The following TECTA variants were observed in gnomAD, a reference collection of about 807,000 sequenced individuals.
TECTA encodes tectorin alpha.
TECTA carries 128 observed loss-of-function variants against 216.8 expected under a neutral mutation model. The observed-to-expected ratio is 0.59, with a 90% CI of 0.51 to 0.68. The LOEUF (loss-of-function observed/expected upper bound fraction) is 0.68, where lower values mean the gene tolerates loss of function less well. Ranked by LOEUF, TECTA falls within the 30% of genes least tolerant of loss-of-function variation. The probability of loss-of-function intolerance (pLI) is 0.00; values close to 1 mark genes in which losing one functional copy is unlikely to be tolerated. For missense variants in TECTA, 2,551 were observed against 2,786.2 expected (o/e 0.92, Z 1.90); for synonymous variants, 1,089 against 1,117.1 (o/e 0.97, Z 0.50).
chr11:121,152,166 C>A (rs1385553252), intron 12 of TECTA, among the ~76,000 whole-genome samples: 2 of 152,220 alleles, frequency 1.3e-5, no homozygotes, highest in African/African-American at 4.8e-5. Context: ...CATCTAGATG[C>A]ATTTGAAAAA....
intron 20 of TECTA, among the ~76,000 whole-genome samples, chr11:121,185,281 T>C (rs535905642): frequency 1.3e-5 from 2 of 152,338 alleles, no homozygotes; most frequent in East Asian, 1.9e-4. Flanking sequence ...AGATGTTCAA[T>C]GCTTAATGAA....
intron 11 of TECTA, among the ~76,000 whole-genome samples, chr11:121,142,266 A>T (rs1305421686): frequency 6.6e-6 from 1 of 152,144 alleles, no homozygotes; most frequent in East Asian, 1.9e-4. Context: ...ATACCTTCTC[A>T]TCGTCTTCTG....
At position 121,137,725 on chromosome 11, in the gene TECTA, C is replaced by T; in HGVS notation, c.3246C>T (p.Tyr1082=). ...CETIPCKDDE[Y]CMEEGGLYYC... is the part of the protein sequence containing the mutation. Reference sequence around the variant, plus strand: ...CCATTCCCTGCAAGGATGATGAGTACTGCATGGAGGAAGGTGGCCTGTACT... The same window carrying T: ...CCATTCCCTGCAAGGATGATGAGTATTGCATGGAGGAAGGTGGCCTGTACT... The change falls in exon 11 of 24, where the codon TAC becomes TAT. Residue 1082 remains tyrosine, a synonymous_variant. Transcript: ENST00000392793. The T allele has an allele frequency of 6.2e-7, 1 of 1,614,152 alleles. No homozygotes were observed. The highest frequency in any genetic ancestry group is 8.5e-7 in the Non-Finnish European group (1 of 1,180,036).
At chr11:121,152,347 C>A (rs1383875069) in intron 12 of TECTA, among the ~76,000 whole-genome samples, 1 of 152,218 alleles carries the variant, frequency 6.6e-6, no homozygotes, top group East Asian at 1.9e-4. Context: ...CTTAGAAAAA[C>A]GTTCTGTAGA....
chr11:121,183,154 T>A (rs1176659756), intron 20 of TECTA, among the ~76,000 whole-genome samples: 2 of 152,130 alleles, frequency 1.3e-5, no homozygotes, highest in Middle Eastern at 3.4e-3. Flanking sequence ...GTCCAGCCAG[T>A]GTTGTGAACC....
At chr11:121,167,978 A>G (rs1303940424) in intron 18 of TECTA, 76 bp from the exon 19 acceptor site, 2 of 1,548,756 alleles carry the variant, frequency 1.3e-6, no homozygotes, top group African/African-American at 2.7e-5. Context: ...CTCCACTTTC[A>G]GGGATATGGA....
At chr11:121,120,670 AT>A (rs1946548973) in intron 7 of TECTA, among the ~76,000 whole-genome samples, 1 of 152,242 alleles carries the variant, frequency 6.6e-6, no homozygotes. Context: ...CTGTTCTCAA[AT>A]AACAAAATAA....
In TECTA at chr11:121,113,761, G is replaced by C; in HGVS notation, c.790+43G>C. On this transcript the variant is annotated intron_variant, in intron 6 of 23. Transcript: ENST00000392793. This position sits in a 1 kb window ranked among gnomAD's most constrained non-coding sequence, Gnocchi z 4.2. ...TCTGTGGCAAGGCAGGGTTTGTTTA[G>C]TGTAGATTGACAGGCAAGCTTTTAA... 1.2e-6 allele frequency: 2 copies of C among 1,610,642 alleles called. No individual in the cohort carries two copies. The highest frequency in any genetic ancestry group is 1.7e-6 in the Non-Finnish European group (2 of 1,179,338).
At chr11:121,153,937 T>TAA (rs1245659255) in intron 13 of TECTA, among the ~76,000 whole-genome samples, 1 of 152,226 alleles carries the variant, frequency 6.6e-6, no homozygotes, top group African/African-American at 2.4e-5. Context: ...CAACTACAGA[T>TAA]AATTGAGTAT....
intron 10 of TECTA, among the ~76,000 whole-genome samples, chr11:121,133,651 T>C (rs1242828681): frequency 1.3e-5 from 2 of 152,218 alleles, no homozygotes; most frequent in Admixed American, 6.5e-5. Flanking sequence ...TGACCCTCCA[T>C]TGGGGTTGAT....
At position 121,189,375 on chromosome 11, in the gene TECTA, C is replaced by CTT. The variant is rs11459448; in HGVS notation, c.6250+219_6250+220dup. Among the ~76,000 whole-genome samples the CTT allele has an allele frequency of 0.021, 3,143 of 146,756 alleles. 119 individuals carry two copies. Among genetic ancestry groups the CTT allele is most frequent in the African/African-American group, 0.074 (2,940 of 39,954 alleles). On this transcript the variant is annotated intron_variant, in intron 22 of 23. Transcript: ENST00000392793. Reference sequence around the variant, plus strand: ...GCATTGAGGTTTTCTTTGTCCTCCTCTTTTTTTTTTTTCTTTGAGACGGAG... The same window carrying CTT: ...GCATTGAGGTTTTCTTTGTCCTCCTCTTTTTTTTTTTTTTCTTTGAGACGGAG...
intron 12 of TECTA, among the ~76,000 whole-genome samples, chr11:121,150,147 C>A (rs906309544): frequency 6.6e-6 from 1 of 152,136 alleles, no homozygotes; most frequent in Non-Finnish European, 1.5e-5. Flanking sequence ...TGAATACTGG[C>A]CCATGAACAG....
intron 2 of TECTA, 138 bp downstream of exon 2, chr11:121,102,867 T>A (rs1946359287): frequency 1.3e-6 from 1 of 793,010 alleles, no homozygotes. Context: ...AATTAAATTC[T>A]ATTATCAAGG....
At chr11:121,147,077 T>C (rs957671358) in intron 12 of TECTA, among the ~76,000 whole-genome samples, 17 of 151,770 alleles carry the variant, frequency 1.1e-4, no homozygotes, top group African/African-American at 4.1e-4. Flanking sequence ...AGGAAAAACT[T>C]GTGGGGGTGG....
chr11:121,169,364 G>A (rs77080891), intron 20 of TECTA, among the ~76,000 whole-genome samples: 18,962 of 152,088 alleles, frequency 0.12, 1,603 homozygotes, highest in South Asian at 0.33. Flanking sequence ...ACAAGTTTCT[G>A]TTTACTCACC....
intron 18 of TECTA, 51 bp downstream of exon 18, chr11:121,166,831 A>G: frequency 6.2e-7 from 1 of 1,603,590 alleles, no homozygotes; most frequent in Non-Finnish European, 8.5e-7. Context: ...GACAGCTTCG[A>G]GTGTTTGCAC....
chr11:121,101,756 T>C (rs557784195), intron 1 of TECTA, among the ~76,000 whole-genome samples: 10 of 152,368 alleles, frequency 6.6e-5, no homozygotes, highest in South Asian at 4.1e-4. Context: ...AAGGTTTTTC[T>C]TTTTTAAGAA....
intron 14 of TECTA, among the ~76,000 whole-genome samples, chr11:121,158,801 T>C (rs1200533883): frequency 6.6e-6 from 1 of 152,188 alleles, no homozygotes; most frequent in Non-Finnish European, 1.5e-5. Context: ...TTAGGCCCAT[T>C]GCCTGGTTTC....
intron 20 of TECTA, among the ~76,000 whole-genome samples, chr11:121,182,050 G>A (rs916165629): frequency 6.6e-6 from 1 of 152,232 alleles, no homozygotes; most frequent in African/African-American, 2.4e-5. Flanking sequence ...TATTAATGGA[G>A]GATATGGTGA....
Sources: allele counts gnomAD v4.1 joint callset (sites outside exome capture counted in the v4.1 genomes callset), GRCh38; gene constraint gnomAD v4.1.1; non-coding constraint Gnocchi (gnomAD v3.1); transcripts MANE v1.5; gene names NCBI Gene and HGNC (gene_info 2026-07-23, HGNC 2026-07-21).